MYO10: variants seen among roughly 807,000 people sequenced by gnomAD.
MYO10 encodes myosin X, also known as unconventional myosin-X.
Under a neutral mutation model 257.3 loss-of-function variants are expected in MYO10, and 133 were observed. That is an observed-to-expected ratio of 0.52 (90% CI 0.45 to 0.60). The LOEUF (loss-of-function observed/expected upper bound fraction) is 0.60. MYO10 is among the 20% of genes least tolerant of loss of function. The pLI, the probability that MYO10 is intolerant of heterozygous loss-of-function variation, is 0.00. For missense variants in MYO10, 2,399 were observed against 2,635.7 expected, an observed-to-expected ratio of 0.91 and a Z score of 1.97; for synonymous variants, 1,104 against 1,028.6, an observed-to-expected ratio of 1.07 and a Z score of -1.40.
Position 16,675,010 on chromosome 5 carries a change from G to C in MYO10, c.4807C>G (p.Arg1603Gly). 2 of 1,613,982 alleles carry C rather than the reference G, an allele frequency of 1.2e-6. No homozygotes were observed. Among genetic ancestry groups the C allele is most frequent in the Non-Finnish European group, 1.7e-6 (2 of 1,179,888 alleles). The change falls in exon 35 of 41, where the codon CGG becomes GGG. Residue 1603 changes from arginine to glycine, a missense_variant. Arg to Gly is a moderately radical substitution (Grantham distance 125). Coordinates refer to ENST00000513610, the MANE Select transcript of MYO10 (RefSeq NM_012334.3). ...LQTGHDLRPL[R>G]DELYCQLIKQ... ...ATAAGCTGGCAGTACAGCTCGTCCC[G>C]CAGAGGTCGCAGGTCATGCCCTGTC...
At chr5:16,896,558 G>A (rs4438877) in intron 1 of MYO10, among the ~76,000 whole-genome samples, 18,233 of 152,018 alleles carry the variant, frequency 0.12, 1,278 homozygotes, top group East Asian at 0.32. Context: ...GTGCCACTGC[G>A]CTCCAGCCTG....
At chr5:16,681,546 A>G in intron 31 of MYO10, 43 bp from the exon 32 acceptor site, 1 of 1,536,806 alleles carries the variant, frequency 6.5e-7, no homozygotes, top group Non-Finnish European at 8.9e-7. Context: ...CTGTGAGGAG[A>G]AACCCCAAAG....
At chr5:16,874,968 C>T (rs977312813) in intron 2 of MYO10, among the ~76,000 whole-genome samples, 9 of 152,202 alleles carry the variant, frequency 5.9e-5, no homozygotes, top group Middle Eastern at 3.4e-3. Context: ...TACGTGGAGG[C>T]GGCAAATGAG....
At chr5:16,933,549 G>C (rs1746351578) in intron 1 of MYO10, among the ~76,000 whole-genome samples, 1 of 152,186 alleles carries the variant, frequency 6.6e-6, no homozygotes, top group East Asian at 1.9e-4. Context: ...AGCAAAGACA[G>C]AATTCTACTT....
chr5:16,699,509 C>T lies in MYO10; in HGVS notation c.3497G>A (p.Arg1166His), dbSNP rs745676474. The T allele has an allele frequency of 9.4e-5, 152 of 1,613,674 alleles. No individual in the cohort carries two copies. The highest frequency in any genetic ancestry group is 6.7e-4 in the South Asian group (61 of 91,074). Residue 1166 changes from arginine to histidine, a missense_variant, in exon 26 of 41, where the codon CGT becomes CAT. By Grantham distance (29) the Arg-to-His change is conservative. This residue lies in a region of MYO10 where 1,820 missense variants were observed against 1,939.4 expected (regional missense o/e 0.94). Coordinates refer to ENST00000513610, the MANE Select transcript of MYO10 (RefSeq NM_012334.3). ...FDTDDELSYR[R>H]DSVYSCVTLP... ...AGTGACACAGCTGTACACAGAGTCA[C>T]GCCGGTATGAAAGCTCATCATCTGT...
Position 16,702,939 on chromosome 5 carries a change from C to G in MYO10, c.2496G>C (p.Arg832=). 1.3e-6 allele frequency: 2 copies of G among 1,551,420 alleles called. No individual in the cohort carries two copies. The change falls in exon 23 of 41, where the codon CGG becomes CGC. Residue 832 remains arginine (R), a synonymous_variant. Coordinates refer to ENST00000513610, the MANE Select transcript of MYO10 (RefSeq NM_012334.3). ...AGGTACTGTACCTTTCTTCTTCCTC[C>G]CGTTTCTTCTTTTCTTCCTCTTCCT... ...KKQEEEEKKK[R]EEEERERERE... is the part of the protein sequence containing the mutation.
At chr5:16,882,070 T>A (rs749405095) in intron 1 of MYO10, among the ~76,000 whole-genome samples, 1 of 152,198 alleles carries the variant, frequency 6.6e-6, no homozygotes, top group Non-Finnish European at 1.5e-5. Flanking sequence ...AGTGTTAATA[T>A]AATGGCTAAA....
In MYO10 at chr5:16,663,328, G is replaced by GTTTGTTTTTTTTTTTTTTTTTTT. The variant is rs1736042206; in HGVS notation, c.*3363_*3364insAAAAAAAAAAAAAAAAAAACAAA. On this transcript the variant is annotated 3_prime_UTR_variant, in exon 41 of 41. Coordinates refer to ENST00000513610, the MANE Select transcript of MYO10 (RefSeq NM_012334.3). Reference sequence around the variant, plus strand: ...AAAAAGTAACATTTTACTTCTAGTTGTTTTTTTTTTTTTTTTTTTTTTTTT... The same window carrying GTTTGTTTTTTTTTTTTTTTTTTT: ...AAAAAGTAACATTTTACTTCTAGTTGTTTGTTTTTTTTTTTTTTTTTTTTTTTTTTTTTTTTTTTTTTTTTTTT... 1.3e-5 allele frequency: 1 copy of GTTTGTTTTTTTTTTTTTTTTTTT among 76,888 alleles called. No individual in the cohort carries two copies. Among genetic ancestry groups the GTTTGTTTTTTTTTTTTTTTTTTT allele is most frequent in the African/African-American group, 6.5e-5 (1 of 15,498 alleles). The allele number at this position is 76,888 out of a possible 1,614,324, so 4.8% of individuals were successfully genotyped here. A position where few individuals can be genotyped will look rare whatever the true frequency, so the allele number is the denominator to read the frequency against.
At chr5:16,819,687 G>A in intron 2 of MYO10, among the ~76,000 whole-genome samples, 1 of 152,176 alleles carries the variant, frequency 6.6e-6, no homozygotes, top group Non-Finnish European at 1.5e-5. Context: ...TATTGGAGAG[G>A]CTATTTTTAG....
chr5:16,681,655 A>C (rs528549171), intron 31 of MYO10, among the ~76,000 whole-genome samples, 152 bp from the exon 32 acceptor site: 1 of 152,324 alleles, frequency 6.6e-6, no homozygotes, highest in South Asian at 2.1e-4. Context: ...AAATGGAACG[A>C]CTACATGAAA....
At chr5:16,772,762 A>C (rs1741093700) in intron 9 of MYO10, among the ~76,000 whole-genome samples, 1 of 152,232 alleles carries the variant, frequency 6.6e-6, no homozygotes, top group African/African-American at 2.4e-5. Context: ...ATACCAAAAA[A>C]AGCAGTGAAT....
In MYO10 at chr5:16,703,868, G is replaced by A. The variant is rs1247116480; in HGVS notation, c.2277-710C>T. On this transcript the variant is annotated intron_variant, in intron 22 of 40. Coordinates refer to ENST00000513610, the MANE Select transcript of MYO10 (RefSeq NM_012334.3). ...TTGCACTCCAGCCAGACGAGCGAGC[G>A]AGACTCTGTCTCAAAAAAAAAAAAA... Among the ~76,000 whole-genome samples the A allele has an allele frequency of 1.3e-3, 164 of 129,628 alleles. 1 individual carries two copies. Among genetic ancestry groups the A allele is most frequent in the Admixed American group, 2.9e-3 (33 of 11,344 alleles). The allele number at this position is 129,628 out of a possible 152,430, so 85.0% of individuals were successfully genotyped here.
chr5:16,886,932 CAAAA>C (rs75535220), intron 1 of MYO10, among the ~76,000 whole-genome samples: 1 of 101,900 alleles, frequency 9.8e-6, no homozygotes, highest in Admixed American at 1.1e-4. Flanking sequence ...ACTCCATCTC[CAAAA>C]AAAAAAAAAA....
intron 19 of MYO10, among the ~76,000 whole-genome samples, chr5:16,729,778 C>T (rs934631878): frequency 2.6e-5 from 4 of 152,060 alleles, no homozygotes; most frequent in Non-Finnish European, 4.4e-5. Context: ...CCAACAGCAA[C>T]GCTTTGCTAA....
intron 34 of MYO10, 96 bp downstream of exon 34, chr5:16,675,935 T>C: frequency 1.4e-6 from 2 of 1,385,478 alleles, no homozygotes; most frequent in East Asian, 5.0e-5. Flanking sequence ...AGAGAGTCTT[T>C]GAGATAAAAA....
At chr5:16,727,773 G>A (rs1449042684) in intron 19 of MYO10, among the ~76,000 whole-genome samples, 6 of 151,860 alleles carry the variant, frequency 4.0e-5, no homozygotes, top group Admixed American at 3.9e-4. Flanking sequence ...CCTTGCCTAT[G>A]GGGATGCTGA....
chr5:16,694,306 G>A, intron 27 of MYO10, 65 bp downstream of exon 27: 1 of 1,603,024 alleles, frequency 6.2e-7, no homozygotes, highest in Non-Finnish European at 8.5e-7. Flanking sequence ...GCACAGCATG[G>A]CTCTATGACC....
chr5:16,669,500 G>A (rs1234350861), intron 39 of MYO10, among the ~76,000 whole-genome samples: 14 of 152,312 alleles, frequency 9.2e-5, no homozygotes, highest in East Asian at 3.9e-4. Flanking sequence ...CACCGCGCCC[G>A]GCCAAGCCAG....
intron 1 of MYO10, among the ~76,000 whole-genome samples, chr5:16,921,817 G>T (rs1745995093): frequency 6.6e-6 from 1 of 152,036 alleles, no homozygotes; most frequent in Non-Finnish European, 1.5e-5. Flanking sequence ...TATGATCCTG[G>T]CATCTAGTGA....
Sources: gnomAD v4.1 joint callset for allele counts (sites outside exome capture counted in the v4.1 genomes callset) on GRCh38, gnomAD v4.1.1 for gene constraint, gnomAD v4.1.1 regional missense constraint, MANE v1.5 for transcripts, NCBI Gene and HGNC (gene_info 2026-07-23, HGNC 2026-07-21) for gene names.